DTD1: variants seen among roughly 807,000 people sequenced by gnomAD.
The protein encoded by DTD1 is D-tyrosyl-tRNA deacylase 1 homolog.
A neutral mutation model predicts 25.6 loss-of-function variants in DTD1; 13 were observed. The observed-to-expected ratio is 0.51, with a 90% CI of 0.33 to 0.81. DTD1 has a LOEUF of 0.81. DTD1 is among the 30% of genes least tolerant of loss of function. DTD1 has a pLI of 0.02. For missense variants in DTD1, 193 were observed against 266.4 expected, an observed-to-expected ratio of 0.72 and a Z score of 1.92; for synonymous variants, 110 against 103.6, an observed-to-expected ratio of 1.06 and a Z score of -0.37.
chr20:18,588,149 GC>G, intron 1 of DTD1, 34 bp downstream of exon 1: 6 of 1,241,124 alleles, frequency 4.8e-6, no homozygotes, highest in South Asian at 3.3e-5. Flanking sequence ...GGGAGGAGCC[GC>G]CCCTGACCCC....
intron 4 of DTD1, among the ~76,000 whole-genome samples, chr20:18,703,552 A>G (rs1365044502): frequency 2.8e-5 from 4 of 145,324 alleles, no homozygotes; most frequent in Admixed American, 2.0e-4. Flanking sequence ...TTTTTCTTAA[A>G]CTTTCTCGGT....
intron 4 of DTD1, among the ~76,000 whole-genome samples, chr20:18,708,829 C>A (rs1211743256): frequency 6.6e-6 from 1 of 152,162 alleles, no homozygotes; most frequent in East Asian, 1.9e-4. Flanking sequence ...TGCCCTCCCA[C>A]CTGCCCCCGT....
At chr20:18,714,945 A>G (rs1568679447) in intron 4 of DTD1, among the ~76,000 whole-genome samples, 1 of 152,142 alleles carries the variant, frequency 6.6e-6, no homozygotes. Context: ...ACGAATGTCT[A>G]TTGTCCAGGG....
chr20:18,733,612 G>A lies in DTD1; in HGVS notation c.478-10488G>A, dbSNP rs139064587. Among the ~76,000 whole-genome samples, 1,379 of 152,344 alleles carry A rather than the reference G, an allele frequency of 9.1e-3. 8 individuals carry two copies. The highest frequency in any genetic ancestry group is 0.012 in the Non-Finnish European group (846 of 68,024). ...TTGCAGGGAAGGAGTAGACCAAAGA[G>A]ACTTAGCTAAGTCAGAGTAATAAGA... On this transcript the variant is annotated intron_variant, in intron 4 of 5. Coordinates refer to ENST00000377452, the MANE Select transcript of DTD1 (RefSeq NM_080820.6).
intron 3 of DTD1, among the ~76,000 whole-genome samples, chr20:18,626,962 CAT>C (rs1434737615): frequency 3.9e-5 from 6 of 152,200 alleles, no homozygotes; most frequent in Non-Finnish European, 7.3e-5. Flanking sequence ...CAATTAAACA[CAT>C]GATTTCCTTC....
chr20:18,607,776 C>T (rs577431939), intron 3 of DTD1, among the ~76,000 whole-genome samples: 6 of 151,576 alleles, frequency 4.0e-5, no homozygotes, highest in African/African-American at 9.7e-5. Context: ...TGCAGTGACA[C>T]GATCTCAGCT....
chr20:18,708,306 ATTTTATATATATATTAT>A (rs2061142356), intron 4 of DTD1, among the ~76,000 whole-genome samples: 1 of 48,136 alleles, frequency 2.1e-5, no homozygotes, highest in African/African-American at 7.5e-5. Context: ...TAATATATAT[ATTTTATATATATATTAT>A]ATATATATAT....
chr20:18,697,196 C>T (rs1410129774), intron 4 of DTD1, among the ~76,000 whole-genome samples: 1 of 150,628 alleles, frequency 6.6e-6, no homozygotes, highest in Non-Finnish European at 1.5e-5. Flanking sequence ...CCCGCCACTG[C>T]ACTCCAGTCT....
intron 4 of DTD1, among the ~76,000 whole-genome samples, chr20:18,708,262 ATTTTAT>A (rs2061139629): frequency 8.4e-5 from 3 of 35,656 alleles, no homozygotes; most frequent in Non-Finnish European, 1.5e-4. Context: ...TTATATATAT[ATTTTAT>A]ATATATATAA....
chr20:18,744,328 T>C (rs1261191134), intron 5 of DTD1, 57 bp downstream of exon 5: 4 of 1,537,528 alleles, frequency 2.6e-6, no homozygotes, highest in Non-Finnish European at 3.5e-6. Flanking sequence ...CAGCAATGAA[T>C]AGGAGGGAAT....
At chr20:18,650,392 C>T (rs2060869669) in intron 4 of DTD1, among the ~76,000 whole-genome samples, 1 of 152,156 alleles carries the variant, frequency 6.6e-6, no homozygotes, top group Non-Finnish European at 1.5e-5. Flanking sequence ...TGTCATGTTG[C>T]AGCCTATCAC....
chr20:18,701,077 A>T (rs2061102780), intron 4 of DTD1, among the ~76,000 whole-genome samples: 1 of 152,188 alleles, frequency 6.6e-6, no homozygotes. Context: ...GGATTCTCTC[A>T]TTAGGGATGG....
At chr20:18,715,057 C>A (rs1450237426) in intron 4 of DTD1, among the ~76,000 whole-genome samples, 1 of 152,114 alleles carries the variant, frequency 6.6e-6, no homozygotes, top group African/African-American at 2.4e-5. Flanking sequence ...GAGGACCAAC[C>A]CTGACTTTGG....
At chr20:18,589,863 T>G (rs1426128836) in intron 1 of DTD1, among the ~76,000 whole-genome samples, 1 of 152,176 alleles carries the variant, frequency 6.6e-6, no homozygotes, top group Non-Finnish European at 1.5e-5. Flanking sequence ...TTAAAAAAGA[T>G]AAGGGTGTTA....
chr20:18,745,107 C>G (rs1326300281), intron 5 of DTD1, among the ~76,000 whole-genome samples: 1 of 152,204 alleles, frequency 6.6e-6, no homozygotes, highest in African/African-American at 2.4e-5. Context: ...CCTTCCTGCT[C>G]TTAGCCACTC....
At chr20:18,654,217 T>C (rs549986282) in intron 4 of DTD1, among the ~76,000 whole-genome samples, 1 of 152,342 alleles carries the variant, frequency 6.6e-6, no homozygotes, top group South Asian at 2.1e-4. Context: ...GGGAGGGTTT[T>C]CCTGTGCTGT....
chr20:18,653,441 TTAGTC>T (rs1464510354), intron 4 of DTD1, among the ~76,000 whole-genome samples: 1 of 152,200 alleles, frequency 6.6e-6, no homozygotes, highest in African/African-American at 2.4e-5. Flanking sequence ...AACTCAAATA[TTAGTC>T]TAAAGTATGC....
At chr20:18,589,359 A>G (rs2060579888) in intron 1 of DTD1, among the ~76,000 whole-genome samples, 2 of 144,034 alleles carry the variant, frequency 1.4e-5, no homozygotes, top group South Asian at 4.5e-4. Flanking sequence ...TCAAAAAACA[A>G]CAAACAAACA....
At chr20:18,591,166 A>G (rs2060587755) in intron 1 of DTD1, among the ~76,000 whole-genome samples, 1 of 152,198 alleles carries the variant, frequency 6.6e-6, no homozygotes, top group South Asian at 2.1e-4. Flanking sequence ...TAGTCCTTCT[A>G]CTTGTCCCTG....
Sources: gnomAD v4.1 joint callset for allele counts (sites outside exome capture counted in the v4.1 genomes callset) on GRCh38, gnomAD v4.1.1 for gene constraint, MANE v1.5 for transcripts, NCBI Gene and HGNC (gene_info 2026-07-23, HGNC 2026-07-21) for gene names.